EXOC4: variants seen among roughly 807,000 people sequenced by gnomAD.
EXOC4 encodes the protein SEC8-like 1.
Under a neutral mutation model 107.2 loss-of-function variants are expected in EXOC4, and 71 were observed. The ratio of observed to expected loss-of-function variants is 0.66; its 90% CI spans 0.55 to 0.81. The LOEUF (loss-of-function observed/expected upper bound fraction) is 0.81. Ranked by LOEUF, EXOC4 falls within the 30% of genes least tolerant of loss-of-function variation. EXOC4 has a pLI of 0.00. For missense variants in EXOC4, 1,108 were observed against 1,189.6 expected (o/e 0.93, Z 1.01); for synonymous variants, 456 against 441.2 (o/e 1.03, Z -0.42).
intron 17 of EXOC4, among the ~76,000 whole-genome samples, chr7:134,029,492 AT>A (rs1795220865): frequency 9.1e-6 from 1 of 110,170 alleles, no homozygotes; most frequent in East Asian, 5.8e-4. Context: ...TGGTCTATTG[AT>A]TGATTGATTG....
intron 14 of EXOC4, among the ~76,000 whole-genome samples, chr7:133,986,880 G>C (rs1380069548): frequency 6.6e-6 from 1 of 152,164 alleles, no homozygotes; most frequent in African/African-American, 2.4e-5. Context: ...TGTGATCCCA[G>C]TGTTAGGCTT....
chr7:133,960,126 G>C (rs1011543673), intron 14 of EXOC4, among the ~76,000 whole-genome samples: 2 of 152,152 alleles, frequency 1.3e-5, no homozygotes, highest in African/African-American at 4.8e-5. Flanking sequence ...AGGAATAGCT[G>C]ATCTCTCAGG....
At chr7:134,084,834 G>A in the EXOC4 span, among the ~76,000 whole-genome samples, 1 of 151,864 alleles carries the variant, frequency 6.6e-6, no homozygotes, top group Non-Finnish European at 1.5e-5. Context: ...ATTGAGCAAT[G>A]AATGATTCAC....
At chr7:133,462,290 G>T (rs1451145123) in intron 7 of EXOC4, among the ~76,000 whole-genome samples, 2 of 152,140 alleles carry the variant, frequency 1.3e-5, no homozygotes, top group African/African-American at 4.8e-5. Flanking sequence ...CTCAACTTGA[G>T]TGTCAGCCTA....
chr7:133,771,602 A>G (rs1378935929), intron 10 of EXOC4: 1 of 152,038 alleles, frequency 6.6e-6, no homozygotes, highest in African/African-American at 2.4e-5. Flanking sequence ...GTATGGCAAA[A>G]TGAGAGAAAA....
At chr7:133,743,073 G>A (rs895481998) in intron 10 of EXOC4, among the ~76,000 whole-genome samples, 1 of 152,074 alleles carries the variant, frequency 6.6e-6, no homozygotes. Context: ...AGAATATTGG[G>A]TCTCATAATT....
chr7:133,890,695 G>T (rs1393623748), intron 11 of EXOC4, among the ~76,000 whole-genome samples: 4 of 29,288 alleles, frequency 1.4e-4, no homozygotes, highest in Admixed American at 3.2e-4. Flanking sequence ...TTTCCCCATT[G>T]CTTGTTTTTC....
At chr7:133,455,625 A>T (rs1432464290) in intron 7 of EXOC4, among the ~76,000 whole-genome samples, 1 of 152,232 alleles carries the variant, frequency 6.6e-6, no homozygotes, top group Admixed American at 6.5e-5. Context: ...GAGTTGATAA[A>T]TCTGAAAATT....
At chr7:133,720,091 T>A (rs1181707691) in intron 10 of EXOC4, among the ~76,000 whole-genome samples, 1 of 152,208 alleles carries the variant, frequency 6.6e-6, no homozygotes, top group Admixed American at 6.5e-5. Context: ...GTATTACCAG[T>A]TCCTATCTCG....
At chr7:133,349,564 T>C (rs954002459) in intron 5 of EXOC4, among the ~76,000 whole-genome samples, 3 of 152,188 alleles carry the variant, frequency 2.0e-5, no homozygotes, top group Non-Finnish European at 4.4e-5. Context: ...CGTGTGTTGA[T>C]GGACTCTTGA....
At chr7:133,554,882 G>A (rs573873511) in intron 9 of EXOC4, among the ~76,000 whole-genome samples, 76 of 152,250 alleles carry the variant, frequency 5.0e-4, no homozygotes, top group African/African-American at 1.8e-3. Flanking sequence ...AAATGTTTGT[G>A]GAATTAAAAG....
intron 7 of EXOC4, among the ~76,000 whole-genome samples, chr7:133,437,248 A>G (rs1417034608): frequency 2.6e-5 from 4 of 151,932 alleles, no homozygotes; most frequent in African/African-American, 9.7e-5. Flanking sequence ...TTAGATTTTT[A>G]TTCTGATTAT....
chr7:133,874,816 T>C (rs1444098184), intron 11 of EXOC4, among the ~76,000 whole-genome samples: 1 of 152,202 alleles, frequency 6.6e-6, no homozygotes, highest in African/African-American at 2.4e-5. Flanking sequence ...TCATGCCCCA[T>C]TGTGGGTTAT....
intron 10 of EXOC4, among the ~76,000 whole-genome samples, chr7:133,811,472 T>C (rs1364025191): frequency 6.6e-6 from 1 of 152,180 alleles, no homozygotes; most frequent in African/African-American, 2.4e-5. Context: ...TCCAGTACAC[T>C]GTGGTAAATT....
At chr7:133,284,801 C>G (rs370879650) in intron 2 of EXOC4, among the ~76,000 whole-genome samples, 3 of 152,100 alleles carry the variant, frequency 2.0e-5, no homozygotes, top group Non-Finnish European at 2.9e-5. Flanking sequence ...TCCCGAGGTG[C>G]TGGGATTACA....
At chr7:133,487,561 C>T (rs1341393421) in intron 9 of EXOC4, among the ~76,000 whole-genome samples, 1 of 151,856 alleles carries the variant, frequency 6.6e-6, no homozygotes, top group Non-Finnish European at 1.5e-5. Context: ...ATACAAAAAT[C>T]AGCTGGGTGT....
intron 7 of EXOC4, among the ~76,000 whole-genome samples, chr7:133,404,615 T>C (rs983815509): frequency 2.6e-5 from 4 of 152,170 alleles, no homozygotes; most frequent in African/African-American, 9.7e-5. Flanking sequence ...TTTCATCTTA[T>C]GTTGTCATTG....
intron 14 of EXOC4, among the ~76,000 whole-genome samples, chr7:133,943,653 A>T (rs1800483718): frequency 6.6e-6 from 1 of 152,128 alleles, no homozygotes; most frequent in African/African-American, 2.4e-5. Context: ...CGGCACCATC[A>T]GGCTCAGGGC....
At chr7:134,089,312 A>G in the EXOC4 span, among the ~76,000 whole-genome samples, 1 of 152,208 alleles carries the variant, frequency 6.6e-6, no homozygotes, top group African/African-American at 2.4e-5. Context: ...GACTTCTTAT[A>G]ATCTTTTACC....
Sources: gnomAD v4.1 joint callset for allele counts (sites outside exome capture counted in the v4.1 genomes callset) on GRCh38, gnomAD v4.1.1 for gene constraint, MANE v1.5 for transcripts, NCBI Gene and HGNC (gene_info 2026-07-23, HGNC 2026-07-21) for gene names.